Variants in NTRK3 observed in about 807,000 individuals in gnomAD.
The protein encoded by NTRK3 is neurotrophic receptor tyrosine kinase 3.
In NTRK3, 24 loss-of-function variants were observed where a neutral mutation model predicts 91.7. That is an observed-to-expected ratio of 0.26 (90% CI 0.19 to 0.37). The LOEUF (loss-of-function observed/expected upper bound fraction) is 0.37. Ranked by LOEUF, NTRK3 falls within the 10% of genes least tolerant of loss-of-function variation. NTRK3 has a pLI of 1.00. For synonymous variants in NTRK3, 483 were observed against 404.0 expected, an observed-to-expected ratio of 1.20 and a Z score of -2.34; for missense variants, 880 against 1,068.9, an observed-to-expected ratio of 0.82 and a Z score of 2.46.
rs759908835 is a variant in NTRK3 at position 87,929,415 on chromosome 15, T to C, written c.1909A>G (p.Met637Val). ...CGTGGCTGTCCATCCACAAGGATCA[T>C]TGCATCTGGCCCATGGGCCCTGCAA... The change falls in exon 17 of 19, where the codon ATG becomes GTG. Residue 637 changes from methionine to valine, a missense_variant. This residue lies in a region of NTRK3 where 743 missense variants were observed against 868.6 expected (regional missense o/e 0.86). Transcript: ENST00000394480. The C allele has an allele frequency of 5.0e-6, 8 of 1,613,906 alleles. No individual in the cohort carries two copies. In the African/African-American group the frequency reaches 8.0e-5, roughly 16 times the overall value.
At chr15:88,088,973 ATC>A (rs1327264118) in intron 13 of NTRK3, among the ~76,000 whole-genome samples, 4 of 152,168 alleles carry the variant, frequency 2.6e-5, no homozygotes, top group African/African-American at 9.7e-5. Context: ...AATATGCACA[ATC>A]TGTACTGAAT....
chr15:87,927,312 T>C (rs1376979968), intron 17 of NTRK3: 1 of 152,240 alleles, frequency 6.6e-6, no homozygotes, highest in Non-Finnish European at 1.5e-5. Flanking sequence ...ACATTCCATT[T>C]TTCTCCAACC....
chr15:88,227,365 C>T (rs2050763369), intron 3 of NTRK3, among the ~76,000 whole-genome samples: 2 of 152,166 alleles, frequency 1.3e-5, no homozygotes, highest in South Asian at 4.2e-4. Context: ...TACCTAGAGC[C>T]TCGGTGTGTG....
chr15:87,970,739 G>A (rs2073188468), intron 14 of NTRK3, among the ~76,000 whole-genome samples: 1 of 152,140 alleles, frequency 6.6e-6, no homozygotes, highest in Non-Finnish European at 1.5e-5. Context: ...AGACTAAGGA[G>A]AAACATTGCT....
At chr15:88,032,417 T>A (rs969706306) in intron 14 of NTRK3, among the ~76,000 whole-genome samples, 2 of 152,074 alleles carry the variant, frequency 1.3e-5, no homozygotes, top group Non-Finnish European at 2.9e-5. Context: ...AGAGAGATGT[T>A]TCCATTCAAA....
At chr15:88,104,637 TGCCCTCTCCCA>T (rs1208265184) in intron 13 of NTRK3, among the ~76,000 whole-genome samples, 1 of 152,212 alleles carries the variant, frequency 6.6e-6, no homozygotes, top group Admixed American at 6.5e-5. Context: ...CCTGGCTGTC[TGCCCTCTCCCA>T]GTCCTTTCTG....
chr15:88,004,861 C>T (rs1161886769), intron 14 of NTRK3, among the ~76,000 whole-genome samples: 1 of 152,128 alleles, frequency 6.6e-6, no homozygotes, highest in Non-Finnish European at 1.5e-5. Context: ...CACTATCATT[C>T]AACTCCTCTT....
chr15:88,220,922 C>T (rs1432482881), intron 3 of NTRK3, among the ~76,000 whole-genome samples: 4 of 152,160 alleles, frequency 2.6e-5, no homozygotes, highest in South Asian at 2.1e-4. Context: ...CCAGGGGATA[C>T]GTCTCAAAAA....
intron 5 of NTRK3, among the ~76,000 whole-genome samples, chr15:88,158,329 G>A (rs541713876): frequency 6.6e-6 from 1 of 152,290 alleles, no homozygotes; most frequent in South Asian, 2.1e-4. Flanking sequence ...AGGCATCATT[G>A]TATTCAGTAA....
Position 87,883,414 on chromosome 15 carries a change from T to C in NTRK3, c.2134-2986A>G, listed in dbSNP as rs200436475. On this transcript the variant is annotated intron_variant, in intron 17 of 18. Coordinates refer to ENST00000394480, the Ensembl canonical transcript of NTRK3. The stretch of plus-strand genomic sequence containing the variant: ...ATATGTATATGTGTGTGTATATATA[T>C]ATATAAAGAGTAAAAACAAGTTATA... Among the ~76,000 whole-genome samples the C allele has an allele frequency of 4.7e-5, 7 of 149,038 alleles. No homozygotes were observed. The East Asian group carries it at 7.8e-4, about 17-fold the overall frequency.
At chr15:87,880,555 CA>C (rs2065184800) in intron 17 of NTRK3, 127 bp from the exon 19 acceptor site, 4 of 1,088,870 alleles carry the variant, frequency 3.7e-6, no homozygotes, top group Non-Finnish European at 4.0e-6. Flanking sequence ...CAGCTTTATG[CA>C]ACTTCTATCA....
At chr15:88,169,252 A>T (rs1423302664) in intron 5 of NTRK3, among the ~76,000 whole-genome samples, 1 of 152,240 alleles carries the variant, frequency 6.6e-6, no homozygotes, top group Non-Finnish European at 1.5e-5. Flanking sequence ...CATCAGAGGC[A>T]CATTTAAGAG....
In NTRK3 at chr15:88,255,335, G is replaced by T. The variant is rs967168249; in HGVS notation, c.248+571C>A. ...TAGGCGTCCATGACGGCCTCCACACGTCCAAAGTCTCCCCGCGAGCAGCCA... is the reference window on the plus strand; with the variant it reads ...TAGGCGTCCATGACGGCCTCCACACTTCCAAAGTCTCCCCGCGAGCAGCCA... On this transcript the variant is annotated intron_variant, in intron 3 of 18. Coordinates refer to ENST00000394480, the Ensembl canonical transcript of NTRK3. This position sits in a 1 kb window ranked among gnomAD's most constrained non-coding sequence, Gnocchi z 4.3. 6.6e-6 allele frequency among the ~76,000 whole-genome samples: 1 copy of T among 152,130 alleles called. No homozygotes were observed. Among genetic ancestry groups the T allele is most frequent in the Non-Finnish European group, 1.5e-5 (1 of 68,020 alleles).
chr15:88,092,322 G>T (rs1211287970), intron 13 of NTRK3, among the ~76,000 whole-genome samples: 3 of 152,286 alleles, frequency 2.0e-5, no homozygotes, highest in Middle Eastern at 3.4e-3. Context: ...CCGACTGCAT[G>T]GCCACAAAAG....
At chr15:87,862,348 C>T (rs1008673574) in exon 19 of NTRK3, 1 of 225,346 alleles carries the variant, frequency 4.4e-6, no homozygotes, top group East Asian at 6.4e-5. Context: ...CTAAAAGAAA[C>T]CCCTTATTTT....
Position 88,129,159 on chromosome 15 carries a change from A to G in NTRK3, c.1205-425T>C, listed in dbSNP as rs2053577935. 3.9e-5 allele frequency among the ~76,000 whole-genome samples: 6 copies of G among 152,220 alleles called. 1 individual carries two copies. Among genetic ancestry groups the G allele is most frequent in the Admixed American group, 3.9e-4 (6 of 15,284 alleles). ...GTATGATCTCAAGATAAACTTATTC[A>G]AAGTAATATGCAGAGTTGATTCTAG... On this transcript the variant is annotated intron_variant, in intron 10 of 18. Coordinates refer to ENST00000394480, the Ensembl canonical transcript of NTRK3.
At chr15:88,130,541 C>T (rs1037683682) in intron 10 of NTRK3, among the ~76,000 whole-genome samples, 3 of 151,960 alleles carry the variant, frequency 2.0e-5, no homozygotes, top group African/African-American at 7.3e-5. Context: ...AGTCAACACC[C>T]CCAGTACCAA....
At chr15:88,101,069 G>A (rs2050124254) in intron 13 of NTRK3, among the ~76,000 whole-genome samples, 1 of 152,262 alleles carries the variant, frequency 6.6e-6, no homozygotes, top group African/African-American at 2.4e-5. Flanking sequence ...TACCATCAGA[G>A]TGAACAGGCA....
chr15:88,120,303 GA>G (rs2052562112), intron 13 of NTRK3, among the ~76,000 whole-genome samples: 1 of 152,044 alleles, frequency 6.6e-6, no homozygotes, highest in African/African-American at 2.4e-5. Context: ...TCTGTTTATG[GA>G]AAAAAATGTT....
Sources: gnomAD v4.1 joint callset for allele counts (sites outside exome capture counted in the v4.1 genomes callset) on GRCh38, gnomAD v4.1.1 for gene constraint, gnomAD v4.1.1 regional missense constraint, Gnocchi (gnomAD v3.1) non-coding constraint, MANE v1.5 for transcripts, NCBI Gene and HGNC (gene_info 2026-07-23, HGNC 2026-07-21) for gene names.